Variants in LRBA observed in about 807,000 individuals in gnomAD.
LRBA encodes lipopolysaccharide-responsive and beige-like anchor protein.
Under a neutral mutation model 330.0 loss-of-function variants are expected in LRBA, and 176 were observed. The observed-to-expected ratio is 0.53, with a 90% CI of 0.47 to 0.60. LRBA has a LOEUF of 0.60. Ranked by LOEUF, LRBA falls within the 20% of genes least tolerant of loss-of-function variation. LRBA has a pLI of 0.00. For synonymous variants in LRBA, 1,230 were observed against 1,193.0 expected (o/e 1.03, Z -0.64); for missense variants, 3,259 against 3,444.8 (o/e 0.95, Z 1.35).
chr4:150,985,213 G>A (rs1041468906), intron 2 of LRBA, among the ~76,000 whole-genome samples: 24 of 147,496 alleles, frequency 1.6e-4, no homozygotes, highest in African/African-American at 5.8e-4. Context: ...AGCCAAGATC[G>A]CATCACTGCA....
At chr4:150,747,506 G>A (rs1457832493) in intron 35 of LRBA, among the ~76,000 whole-genome samples, 1 of 152,156 alleles carries the variant, frequency 6.6e-6, no homozygotes, top group Non-Finnish European at 1.5e-5. Flanking sequence ...ATCCACTTCT[G>A]CCAGTCACTT....
chr4:150,806,330 G>T lies in LRBA; in HGVS notation c.5459C>A (p.Pro1820His). 1 of 1,608,612 alleles carries T rather than the reference G, an allele frequency of 6.2e-7. No individual in the cohort carries two copies. Among genetic ancestry groups the T allele is most frequent in the Non-Finnish European group, 8.5e-7 (1 of 1,177,480 alleles). ...LLREIFVDFA[P>H]FLSRTLLGSH... ...ACCCAAAAGTGTCCGAGAAAGAAAA[G>T]GTGCAAAATCCACAAAAATCTCACG... is the stretch of plus-strand genomic sequence containing the variant. Residue 1820 changes from proline to histidine, a missense_variant, in exon 33 of 57, where the codon CCT (proline) becomes CAT (histidine). By Grantham distance (77) the Pro-to-His change is moderately conservative. Coordinates refer to ENST00000651943, the MANE Select transcript of LRBA (RefSeq NM_001364905.1).
At chr4:150,639,756 T>TGG (rs1778354194) in intron 37 of LRBA, among the ~76,000 whole-genome samples, 1 of 3,650 alleles carries the variant, frequency 2.7e-4, no homozygotes, top group Non-Finnish European at 6.4e-4. Context: ...TATATATATA[T>TGG]ATATATATAT....
intron 26 of LRBA, among the ~76,000 whole-genome samples, chr4:150,846,955 A>G (rs534089315): frequency 1.3e-5 from 2 of 152,314 alleles, no homozygotes; most frequent in African/African-American, 4.8e-5. Flanking sequence ...AGGCTTTGCT[A>G]GTATAGCCTT....
At chr4:150,402,492 T>C (rs551830163) in intron 47 of LRBA, among the ~76,000 whole-genome samples, 2 of 152,068 alleles carry the variant, frequency 1.3e-5, no homozygotes, top group African/African-American at 4.8e-5. Flanking sequence ...GATATAAATT[T>C]CTCAAAATAA....
chr4:150,384,883 A>G (rs1057148991), intron 47 of LRBA, among the ~76,000 whole-genome samples: 3 of 152,024 alleles, frequency 2.0e-5, no homozygotes, highest in African/African-American at 7.2e-5. Flanking sequence ...AGACATTTGG[A>G]ATTGTCCTGT....
At position 150,916,424 on chromosome 4, in the gene LRBA, TCA is replaced by T. The variant is rs1732593151; in HGVS notation, c.869_870del (p.Val290GlufsTer3). On this transcript the variant is annotated frameshift_variant, in exon 7 of 57. Coordinates refer to ENST00000651943, the MANE Select transcript of LRBA (RefSeq NM_001364905.1). LOFTEE classifies it high-confidence loss of function. ...KSKGKGFQHC[V>X]KFDFKPQKWY... is the part of the protein sequence containing the mutation. ...ACCTTTTGTGGCTTGAAATCAAATT[TCA>T]CACAGTGTTGAAAGCCTTTTCCTTT... The T allele has an allele frequency of 6.2e-7, 1 of 1,613,214 alleles. No individual in the cohort carries two copies. Among genetic ancestry groups the T allele is most frequent in the Non-Finnish European group, 8.5e-7 (1 of 1,179,728 alleles).
chr4:150,666,794 C>CA (rs1388224715), intron 37 of LRBA, among the ~76,000 whole-genome samples: 3 of 152,066 alleles, frequency 2.0e-5, no homozygotes, highest in Admixed American at 6.6e-5. Context: ...AATTGTACCA[C>CA]AAAAAATAAA....
intron 37 of LRBA, among the ~76,000 whole-genome samples, chr4:150,678,253 A>G (rs1243101925): frequency 4.6e-5 from 7 of 151,988 alleles, no homozygotes; most frequent in Admixed American, 3.3e-4. Context: ...AGAAAAAAAA[A>G]AAAAAAGAAA....
intron 48 of LRBA, among the ~76,000 whole-genome samples, chr4:150,346,546 G>C (rs1736333451): frequency 6.6e-6 from 1 of 151,824 alleles, no homozygotes; most frequent in Admixed American, 6.6e-5. Flanking sequence ...CAGATCATGA[G>C]GTCAGGAGTT....
chr4:150,781,352 C>T (rs1378799873), intron 34 of LRBA, among the ~76,000 whole-genome samples: 1 of 152,218 alleles, frequency 6.6e-6, no homozygotes, highest in East Asian at 1.9e-4. Flanking sequence ...ATAAGGAGCA[C>T]ACAACTTAGA....
chr4:150,265,796 T>A lies in LRBA; in HGVS notation c.8485A>T (p.Met2829Leu). 1 of 1,612,266 alleles carries A rather than the reference T, an allele frequency of 6.2e-7. No homozygotes were observed. Among genetic ancestry groups the A allele is most frequent in the Non-Finnish European group, 8.5e-7 (1 of 1,178,398 alleles). ...AATAGCACAATGCTTCCTGAAGCCA[T>A]GCCAGAAATGATGCACCTAGGAGAA... ...SYDQRCIISGMASGSIVLFYN... is the reference protein window; with the variant it reads ...SYDQRCIISGLASGSIVLFYN... The change falls in exon 57 of 57, where the codon ATG becomes TTG. Residue 2829 changes from methionine to leucine, a missense_variant. Met to Leu is a conservative substitution (Grantham distance 15, BLOSUM62 2). Coordinates refer to ENST00000651943, the MANE Select transcript of LRBA (RefSeq NM_001364905.1).
chr4:150,617,520 T>C (rs557972481), intron 37 of LRBA, among the ~76,000 whole-genome samples: 1 of 152,180 alleles, frequency 6.6e-6, no homozygotes, highest in South Asian at 2.1e-4. Context: ...CAGGCGCCTG[T>C]AATCCCAGCT....
At chr4:150,765,053 G>A (rs1395168574) in intron 34 of LRBA, among the ~76,000 whole-genome samples, 2 of 151,156 alleles carry the variant, frequency 1.3e-5, no homozygotes, top group African/African-American at 4.9e-5. Flanking sequence ...ATAAATTGTG[G>A]TACAACCAGA....
chr4:150,633,318 A>G (rs1370608054), intron 37 of LRBA, among the ~76,000 whole-genome samples: 10 of 152,262 alleles, frequency 6.6e-5, no homozygotes, highest in Admixed American at 6.5e-4. Context: ...TGCTTTGCAT[A>G]TAAGAAATAC....
chr4:150,285,604 G>C (rs1254376566), intron 54 of LRBA, among the ~76,000 whole-genome samples: 1 of 152,160 alleles, frequency 6.6e-6, no homozygotes, highest in Non-Finnish European at 1.5e-5. Context: ...ATATTAACAG[G>C]ATATGTTTGT....
intron 48 of LRBA, among the ~76,000 whole-genome samples, chr4:150,334,625 T>C (rs1012005887): frequency 4.6e-5 from 7 of 152,188 alleles, no homozygotes; most frequent in African/African-American, 1.2e-4. Context: ...TTTTCTCTGA[T>C]GGAGGAAGGA....
At position 150,590,763 on chromosome 4, in the gene LRBA, T is replaced by A; in HGVS notation, c.6143A>T (p.Asp2048Val). ...NSENEILLEG[D>V]DDTLSSVDEK... ...ATCCACGGATGACAGAGTATCATCA[T>A]CGCCTTCCAGGAGGATCTCGTTTTC... is the stretch of plus-strand genomic sequence containing the variant. Residue 2048 changes from aspartate (D) to valine (V), a missense_variant, in exon 39 of 57, where the codon GAT becomes GTT. Physicochemically the swap from Asp to Val is radical, Grantham distance 152. Coordinates refer to ENST00000651943, the MANE Select transcript of LRBA (RefSeq NM_001364905.1). 1 of 1,614,118 alleles carries A rather than the reference T, an allele frequency of 6.2e-7. No homozygotes were observed. The highest frequency in any genetic ancestry group is 8.5e-7 in the Non-Finnish European group (1 of 1,179,968).
chr4:150,868,262 C>T lies in LRBA; in HGVS notation c.2493G>A (p.Gln831=). The stretch of plus-strand genomic sequence containing the variant: ...TGCGAACCTCCATGCTCTCTGGGCA[C>T]TGGGGAGAATTTCGAAGTAGGGTCG... ...VIATLLRNSP[Q]CPESMEVRRA... is the part of the protein sequence containing the mutation. Residue 831 remains glutamine, a synonymous_variant, in exon 21 of 57, where the codon CAG becomes CAA. Transcript: ENST00000651943. 3 of 1,612,480 alleles carry T rather than the reference C, an allele frequency of 1.9e-6. No individual in the cohort carries two copies. Among genetic ancestry groups the T allele is most frequent in the Non-Finnish European group, 2.5e-6 (3 of 1,178,844 alleles).
Sources: allele counts gnomAD v4.1 joint callset (sites outside exome capture counted in the v4.1 genomes callset), GRCh38; gene constraint gnomAD v4.1.1; transcripts MANE v1.5; gene names NCBI Gene and HGNC (gene_info 2026-07-23, HGNC 2026-07-21).